The following COPS3 variants were observed in gnomAD, a reference collection of about 807,000 sequenced individuals.
COPS3 encodes COP9 signalosome subunit 3.
COPS3 carries 10 observed loss-of-function variants against 58.2 expected under a neutral mutation model. That is an observed-to-expected ratio of 0.17 (90% CI 0.11 to 0.29). The LOEUF is 0.29. COPS3 is among the 10% of genes least tolerant of loss of function. COPS3 has a pLI of 1.00. For synonymous variants in COPS3, 187 were observed against 181.7 expected, an observed-to-expected ratio of 1.03 and a Z score of -0.24; for missense variants, 333 against 510.1, an observed-to-expected ratio of 0.65 and a Z score of 3.34.
intron 8 of COPS3, among the ~76,000 whole-genome samples, chr17:17,257,181 T>C (rs1351886636): frequency 1.3e-5 from 2 of 151,864 alleles, no homozygotes; most frequent in East Asian, 3.9e-4. Context: ...CTGGCCAACA[T>C]GGCGAAACCC....
At chr17:17,254,820 A>AAG (rs1555617224) in intron 9 of COPS3, 39 bp downstream of exon 9, 4 of 1,344,146 alleles carry the variant, frequency 3.0e-6, no homozygotes, top group Non-Finnish European at 4.0e-6. Context: ...AAAAGAAAAA[A>AAG]AAAAAAAAAA....
intron 2 of COPS3, among the ~76,000 whole-genome samples, chr17:17,275,144 G>A (rs964257862): frequency 1.3e-5 from 2 of 149,966 alleles, no homozygotes; most frequent in African/African-American, 4.9e-5. Flanking sequence ...AGGCTGGAGT[G>A]CAGTGGTGCA....
intron 2 of COPS3, among the ~76,000 whole-genome samples, chr17:17,275,197 T>G (rs144499156): frequency 4.4e-4 from 67 of 150,726 alleles, no homozygotes; most frequent in Admixed American, 7.9e-4. Flanking sequence ...CTCAAGCAAT[T>G]CTCATGCCTC....
Position 17,261,953 on chromosome 17 carries a change from G to A in COPS3, c.762+13C>T, listed in dbSNP as rs774496026. 1.9e-6 allele frequency: 3 copies of A among 1,571,256 alleles called. No individual in the cohort carries two copies. Among genetic ancestry groups the A allele is most frequent in the Admixed American group, 2.0e-5 (1 of 50,944 alleles). On this transcript the variant is annotated intron_variant, in intron 7 of 11. Coordinates refer to ENST00000268717, the MANE Select transcript of COPS3 (RefSeq NM_003653.4). ...TGCTCACGTAAGAAATCAGTTTTAT[G>A]TAAAAAACTTACCTTAATGAATCTA...
chr17:17,256,602 A>C (rs2047980658), intron 8 of COPS3, among the ~76,000 whole-genome samples: 1 of 152,104 alleles, frequency 6.6e-6, no homozygotes. Flanking sequence ...CTCATCTTGA[A>C]AATTCCTTTT....
rs764003036 is a variant in COPS3, at chr17:17,281,137, G to A, written c.50C>T (p.Ala17Val). The change falls in exon 1 of 12, where the codon GCT becomes GTT. Residue 17 changes from alanine (A) to valine (V), a missense_variant. Ala to Val is a moderately conservative substitution (Grantham distance 64). Coordinates refer to ENST00000268717, the MANE Select transcript of COPS3 (RefSeq NM_003653.4). ...QFVNSVRQLS[A>V]QGQMTQLCEL... ...CCGGCGGCCTAGGGCGTTACCTTGAGCTGAGAGCTGTCGGACACTGTTCAC... is the reference window on the plus strand; with the variant it reads ...CCGGCGGCCTAGGGCGTTACCTTGAACTGAGAGCTGTCGGACACTGTTCAC... The A allele has an allele frequency of 6.2e-7, 1 of 1,610,310 alleles. No individual in the cohort carries two copies. Among genetic ancestry groups the A allele is most frequent in the Non-Finnish European group, 8.5e-7 (1 of 1,178,484 alleles).
chr17:17,279,589 G>A (rs768204452), intron 1 of COPS3, among the ~76,000 whole-genome samples: 24 of 152,146 alleles, frequency 1.6e-4, no homozygotes, highest in Non-Finnish European at 3.2e-4. Context: ...ACACCAGTGA[G>A]GTAAAAGCAC....
At chr17:17,247,444 C>T in intron 11 of COPS3, 36 bp downstream of exon 11, 1 of 1,591,272 alleles carries the variant, frequency 6.3e-7, no homozygotes, top group Non-Finnish European at 8.6e-7. Flanking sequence ...CCTTCTCCAC[C>T]CAGCCTACTT....
intron 8 of COPS3, among the ~76,000 whole-genome samples, chr17:17,256,298 CATT>C (rs1163250719): frequency 1.3e-5 from 2 of 152,108 alleles, no homozygotes; most frequent in South Asian, 4.1e-4. Flanking sequence ...GTATGCACAT[CATT>C]ATGAAGATTT....
intron 4 of COPS3, 162 bp from the exon 5 acceptor site, chr17:17,268,139 T>C: frequency 1.3e-5 from 14 of 1,090,896 alleles, no homozygotes; most frequent in Non-Finnish European, 1.6e-5. Context: ...CCCATTTAAG[T>C]CAGAAAACTT....
chr17:17,263,400 T>C (rs1308590726), intron 6 of COPS3, among the ~76,000 whole-genome samples: 1 of 151,946 alleles, frequency 6.6e-6, no homozygotes, highest in African/African-American at 2.4e-5. Flanking sequence ...ATTTTCACCA[T>C]GTTGGCCAGG....
chr17:17,276,026 GC>G lies in COPS3; in HGVS notation c.185+8del. ...CAAGCACAGAACTATAAAAGAAGATGCTCCTTACAAAACAGCAAGGACGCCC... is the reference window on the plus strand; with the variant it reads ...CAAGCACAGAACTATAAAAGAAGATGTCCTTACAAAACAGCAAGGACGCCC... On this transcript the variant is annotated splice_region_variant and intron_variant, in intron 2 of 11. Transcript: ENST00000268717. 6.2e-7 allele frequency: 1 copy of G among 1,611,656 alleles called. No individual in the cohort carries two copies. Among genetic ancestry groups the G allele is most frequent in the Non-Finnish European group, 8.5e-7 (1 of 1,178,374 alleles).
chr17:17,269,261 C>G (rs947487457), intron 4 of COPS3, among the ~76,000 whole-genome samples: 2 of 152,244 alleles, frequency 1.3e-5, no homozygotes, highest in South Asian at 4.1e-4. Context: ...CCTGTCTCTA[C>G]TAAAAATACA....
chr17:17,247,100 A>C lies in COPS3; in HGVS notation c.1270T>G (p.Ter424GlyextTer2). Residue 424 changes from the stop codon to glycine (G), a stop_lost, in exon 12 of 12, where the codon TGA (stop) becomes GGA (glycine). Coordinates refer to ENST00000268717, the MANE Select transcript of COPS3 (RefSeq NM_003653.4). ...TTAGCTCAGGATGGATGTTAGTTTC[A>C]AGAATAACTGGATGGTTTGTTTCCT... ...DSGNKPSSYS[*>G] 6.2e-7 allele frequency: 1 copy of C among 1,613,638 alleles called. No individual in the cohort carries two copies. The highest frequency in any genetic ancestry group is 8.5e-7 in the Non-Finnish European group (1 of 1,179,516).
intron 1 of COPS3, among the ~76,000 whole-genome samples, chr17:17,278,029 G>A (rs2048497224): frequency 6.6e-6 from 1 of 152,190 alleles, no homozygotes; most frequent in South Asian, 2.1e-4. Flanking sequence ...AGCTACTCGG[G>A]AGGCTGAGGT....
Position 17,281,210 on chromosome 17 carries a change from G to A in COPS3, c.-24C>T, listed in dbSNP as rs772208334. 7.5e-6 allele frequency: 12 copies of A among 1,604,286 alleles called. No homozygotes were observed. Among genetic ancestry groups the A allele is most frequent in the African/African-American group, 1.3e-5 (1 of 74,960 alleles). On this transcript the variant is annotated 5_prime_UTR_variant, in exon 1 of 12. Transcript: ENST00000268717. Reference sequence around the variant, plus strand: ...ATGTTTTCCCCCGGGCGGCCCGAGCGGCGAAGGCAGCACGCGCGGGAAAAG... The same window carrying A: ...ATGTTTTCCCCCGGGCGGCCCGAGCAGCGAAGGCAGCACGCGCGGGAAAAG...
chr17:17,278,973 C>T (rs1206860452), intron 1 of COPS3, among the ~76,000 whole-genome samples: 1 of 151,368 alleles, frequency 6.6e-6, no homozygotes, highest in Non-Finnish European at 1.5e-5. Context: ...CTCCCAGGTT[C>T]ATGCCATTCT....
In COPS3 at chr17:17,271,117, T is replaced by G. The variant is rs2048331324; in HGVS notation, c.186-109A>C. ...GCCTCCAATACTCTGTAAAATTAAA[T>G]GAGCAACAGTATTTTTTAGAATTAA... On this transcript the variant is annotated intron_variant, in intron 2 of 11. Coordinates refer to ENST00000268717, the MANE Select transcript of COPS3 (RefSeq NM_003653.4). 7 of 789,878 alleles carry G rather than the reference T, an allele frequency of 8.9e-6. No individual in the cohort carries two copies. In the East Asian group the frequency reaches 1.9e-4, roughly 21 times the overall value. 48.9% of individuals were successfully genotyped at this position (789,878 alleles called of 1,614,324 possible).
At chr17:17,276,349 A>G (rs577334684) in intron 1 of COPS3, among the ~76,000 whole-genome samples, 185 bp from the exon 2 acceptor site, 1 of 152,298 alleles carries the variant, frequency 6.6e-6, no homozygotes, top group Admixed American at 6.5e-5. Context: ...CTCAAAACGA[A>G]TTAGAGATTA....
Sources: allele counts gnomAD v4.1 joint callset (sites outside exome capture counted in the v4.1 genomes callset), GRCh38; gene constraint gnomAD v4.1.1; transcripts MANE v1.5; gene names NCBI Gene and HGNC (gene_info 2026-07-23, HGNC 2026-07-21).